TPCN1: variants seen among roughly 807,000 people sequenced by gnomAD.
TPCN1 encodes the protein two pore channel protein 1.
In TPCN1, 52 loss-of-function variants were observed where a neutral mutation model predicts 108.8. The ratio of observed to expected loss-of-function variants is 0.48; its 90% CI spans 0.38 to 0.60. The LOEUF (loss-of-function observed/expected upper bound fraction) is 0.60. TPCN1 is among the 20% of genes least tolerant of loss of function. The pLI, the probability that TPCN1 is intolerant of heterozygous loss-of-function variation, is 0.00. For synonymous variants in TPCN1, 446 were observed against 433.7 expected, an observed-to-expected ratio of 1.03 and a Z score of -0.35; for missense variants, 806 against 1,072.8, an observed-to-expected ratio of 0.75 and a Z score of 3.47.
Position 113,272,557 on chromosome 12 carries a change from C to A in TPCN1, c.749-101C>A. 9.2e-7 allele frequency: 1 copy of A among 1,085,258 alleles called. No individual in the cohort carries two copies. The highest frequency in any genetic ancestry group is 2.0e-4 in the Middle Eastern group (1 of 5,024). The allele number at this position is 1,085,258 out of a possible 1,614,324, so 67.2% of individuals were successfully genotyped here. On this transcript the variant is annotated intron_variant, in intron 7 of 27. Transcript: ENST00000335509. This position sits in a 1 kb window ranked among gnomAD's most constrained non-coding sequence, Gnocchi z 4.1. ...CAGCAGTCCCTGCTGCTCTTCCTGA[C>A]CTGCTGCGTTCATTTGCATGTATTT...
chr12:113,293,818 AG>A (rs1229660019), intron 27 of TPCN1, among the ~76,000 whole-genome samples: 1 of 152,164 alleles, frequency 6.6e-6, no homozygotes. Flanking sequence ...AATAGGAAGA[AG>A]GCCCTACTGC....
chr12:113,266,464 T>A lies in TPCN1; in HGVS notation c.414+108T>A. ...GGGAGGGCAAACACTGCAAACGGAC[T>A]TAAAACAGAGAGATACGAGGTGGTC... On this transcript the variant is annotated intron_variant, in intron 4 of 27. Transcript: ENST00000335509. The surrounding 1 kb of genome is among the most constrained non-coding windows in gnomAD (Gnocchi z 4.2). 7.0e-7 allele frequency: 1 copy of A among 1,432,350 alleles called. No homozygotes were observed. The highest frequency in any genetic ancestry group is 2.3e-5 in the East Asian group (1 of 43,900). 88.7% of individuals were successfully genotyped at this position (1,432,350 alleles called of 1,614,324 possible).
chr12:113,270,063 G>T (rs543041982), intron 7 of TPCN1, among the ~76,000 whole-genome samples: 1 of 152,094 alleles, frequency 6.6e-6, no homozygotes, highest in African/African-American at 2.4e-5. Flanking sequence ...GGGCGTGGTG[G>T]TGCACACCTG....
intron 2 of TPCN1, among the ~76,000 whole-genome samples, chr12:113,253,206 A>G (rs1954713662): frequency 6.6e-6 from 1 of 152,212 alleles, no homozygotes; most frequent in Non-Finnish European, 1.5e-5. Flanking sequence ...GGGCTGTTGT[A>G]AGAACTAAGT....
chr12:113,262,577 T>C (rs948976443), intron 3 of TPCN1, among the ~76,000 whole-genome samples: 2 of 152,196 alleles, frequency 1.3e-5, no homozygotes, highest in Admixed American at 1.3e-4. Context: ...AGCGCAGGCA[T>C]ACTTGTTAAT....
At position 113,226,746 on chromosome 12, in the gene TPCN1, G is replaced by A; in HGVS notation, c.-107G>A. The A allele has an allele frequency of 6.3e-7, 1 of 1,574,860 alleles. No individual in the cohort carries two copies. Among genetic ancestry groups the A allele is most frequent in the Non-Finnish European group, 8.6e-7 (1 of 1,159,552 alleles). On this transcript the variant is annotated 5_prime_UTR_variant, in exon 2 of 28. Transcript: ENST00000335509. The stretch of plus-strand genomic sequence containing the variant: ...ACCCTAGAAGATGCCTCTAATGGAG[G>A]AGTTTCTGAGCAGCACCCCTGGCCC...
Position 113,250,724 on chromosome 12 carries a change from G to A in TPCN1, c.113-9644G>A, listed in dbSNP as rs1387439089. 2.0e-5 allele frequency among the ~76,000 whole-genome samples: 3 copies of A among 152,200 alleles called. No individual in the cohort carries two copies. In the East Asian group the frequency reaches 5.8e-4, roughly 29 times the overall value. The stretch of plus-strand genomic sequence containing the variant: ...AATCCCAGCACTTTGGGAGGCCAAG[G>A]CAGTTGGATCACTTGAGGTCAGGAG... On this transcript the variant is annotated intron_variant, in intron 2 of 27. Coordinates refer to ENST00000335509, the MANE Select transcript of TPCN1 (RefSeq NM_017901.6).
intron 1 of TPCN1, chr12:113,225,255 T>C: frequency 2.2e-6 from 1 of 452,196 alleles, no homozygotes; most frequent in South Asian, 1.6e-5. Context: ...GATGGAGTCT[T>C]GCTACATTGC....
rs1956318195 is a variant in TPCN1, at chr12:113,293,019, C to T, written c.2199C>T (p.Ala733=). The part of the protein sequence containing the change: ...VLELYREARG[A]SSDVTRLLET... ...AGCTCTACCGGGAGGCACGGGGGGC[C>T]TCCTCGGATGTCACCAGGCTGCTGG... The change falls in exon 26 of 28, where the codon GCC becomes GCT. Residue 733 remains alanine, a synonymous_variant. Coordinates refer to ENST00000335509, the MANE Select transcript of TPCN1 (RefSeq NM_017901.6). 6.2e-7 allele frequency: 1 copy of T among 1,613,244 alleles called. No homozygotes were observed. The highest frequency in any genetic ancestry group is 1.1e-5 in the South Asian group (1 of 91,076).
At chr12:113,291,785 C>G in intron 24 of TPCN1, 89 bp from the exon 25 acceptor site, 1 of 1,567,314 alleles carries the variant, frequency 6.4e-7, no homozygotes, top group Non-Finnish European at 8.8e-7. Context: ...CCCATCTGGC[C>G]GGACTCTGTT....
At chr12:113,277,217 C>T (rs553889975) in intron 11 of TPCN1, 23 bp from the exon 12 acceptor site, 1 of 1,611,706 alleles carries the variant, frequency 6.2e-7, no homozygotes, top group African/African-American at 1.3e-5. Flanking sequence ...CTGGGTTCCA[C>T]ACTGCTCTTC....
intron 2 of TPCN1, among the ~76,000 whole-genome samples, chr12:113,240,522 G>C (rs1489350722): frequency 6.6e-6 from 1 of 152,184 alleles, no homozygotes; most frequent in African/African-American, 2.4e-5. Context: ...TCTACAGTCA[G>C]AGTCTCAACC....
chr12:113,250,646 G>A (rs1254474479), intron 2 of TPCN1, among the ~76,000 whole-genome samples: 3 of 152,226 alleles, frequency 2.0e-5, no homozygotes, highest in East Asian at 1.9e-4. Context: ...GTTGGTCTTA[G>A]AATATTTTCA....
rs368134201 is a variant in TPCN1 at position 113,297,115 on chromosome 12, T to C, written c.*1039T>C. ...CCAGAGATTTCCATAGCAGGAGCGG[T>C]TGGTGCAGAAGTAGGTTCAGATGAA... On this transcript the variant is annotated 3_prime_UTR_variant, in exon 28 of 28. Coordinates refer to ENST00000335509, the MANE Select transcript of TPCN1 (RefSeq NM_017901.6). This position sits in a 1 kb window ranked among gnomAD's most constrained non-coding sequence, Gnocchi z 4.4. The C allele has an allele frequency of 2.0e-5, 3 of 152,072 alleles. No homozygotes were observed. The highest frequency in any genetic ancestry group is 1.9e-4 in the East Asian group (1 of 5,156). The allele number at this position is 152,072 out of a possible 1,614,324, so 9.4% of individuals were successfully genotyped here.
chr12:113,257,956 A>G (rs987719041), intron 2 of TPCN1, among the ~76,000 whole-genome samples: 1 of 152,192 alleles, frequency 6.6e-6, no homozygotes, highest in Non-Finnish European at 1.5e-5. Flanking sequence ...TATATATTAT[A>G]TGTAATAATA....
Position 113,273,671 on chromosome 12 carries a change from G to C in TPCN1, c.942+3G>C. 6.8e-6 allele frequency: 11 copies of C among 1,612,578 alleles called. No homozygotes were observed. Among genetic ancestry groups the C allele is most frequent in the Non-Finnish European group, 9.3e-6 (11 of 1,178,698 alleles). On this transcript the variant is annotated splice_donor_region_variant and intron_variant, in intron 10 of 27. Transcript: ENST00000335509. The surrounding 1 kb of genome is among the most constrained non-coding windows in gnomAD (Gnocchi z 4.0). The stretch of plus-strand genomic sequence containing the variant: ...AGCTGTATTTCATCATGAACCTGGT[G>C]AGTGACTATGCCTCAGGCTACGCTG...
Position 113,266,047 on chromosome 12 carries a change from C to T in TPCN1, c.238-133C>T. 1.0e-6 allele frequency: 1 copy of T among 960,028 alleles called. No individual in the cohort carries two copies. The allele number at this position is 960,028 out of a possible 1,614,324, so 59.5% of individuals were successfully genotyped here. ...TTTCGCGAAGATCATTTTGATTTTC[C>T]AGCATCTTCTGTCTCTGGCCTGAAT... On this transcript the variant is annotated intron_variant, in intron 3 of 27. Coordinates refer to ENST00000335509, the MANE Select transcript of TPCN1 (RefSeq NM_017901.6). This position sits in a 1 kb window ranked among gnomAD's most constrained non-coding sequence, Gnocchi z 4.2.
Position 113,268,725 on chromosome 12 carries a change from A to G in TPCN1, c.529-17A>G, listed in dbSNP as rs368955246. 3 of 1,612,456 alleles carry G rather than the reference A, an allele frequency of 1.9e-6. No homozygotes were observed. The highest frequency in any genetic ancestry group is 2.5e-6 in the Non-Finnish European group (3 of 1,179,836). On this transcript the variant is annotated splice_polypyrimidine_tract_variant and intron_variant, in intron 5 of 27. Coordinates refer to ENST00000335509, the MANE Select transcript of TPCN1 (RefSeq NM_017901.6). This position sits in a 1 kb window ranked among gnomAD's most constrained non-coding sequence, Gnocchi z 7.3. The stretch of plus-strand genomic sequence containing the variant: ...GGGCTGCAGGGGCTGACGGTGCTCC[A>G]TGCCTGCCACCCACAGACCTCGGTG...
rs751716872 is a variant in TPCN1, at chr12:113,277,376, T to C, written c.1184+12T>C. ...ACACCCCTGCTCAGGTAAGAGCAGA[T>C]GCCTGGTAGGGGCAGCATGGCCAGA... On this transcript the variant is annotated intron_variant, in intron 12 of 27. Coordinates refer to ENST00000335509, the MANE Select transcript of TPCN1 (RefSeq NM_017901.6). 1.2e-6 allele frequency: 2 copies of C among 1,614,016 alleles called. No individual in the cohort carries two copies. The highest frequency in any genetic ancestry group is 1.3e-5 in the African/African-American group (1 of 75,052).
Sources: gnomAD v4.1 joint callset for allele counts (sites outside exome capture counted in the v4.1 genomes callset) on GRCh38, gnomAD v4.1.1 for gene constraint, Gnocchi (gnomAD v3.1) non-coding constraint, MANE v1.5 for transcripts, NCBI Gene and HGNC (gene_info 2026-07-23, HGNC 2026-07-21) for gene names.